The following FAM168A variants were observed in gnomAD, a reference collection of about 807,000 sequenced individuals.
FAM168A encodes the protein family with sequence similarity 168 member A, also known as protein FAM168A.
Under a neutral mutation model 28.5 loss-of-function variants are expected in FAM168A, and 3 were observed. The ratio of observed to expected loss-of-function variants is 0.11; its 90% CI spans 0.05 to 0.27. The LOEUF (loss-of-function observed/expected upper bound fraction) is 0.27. Among genes scored for constraint, FAM168A ranks in the 10% least tolerant of loss-of-function variants. FAM168A has a pLI of 1.00. For synonymous variants in FAM168A, 122 were observed against 124.2 expected (o/e 0.98, Z 0.12); for missense variants, 222 against 311.5 (o/e 0.71, Z 2.16).
At chr11:73,564,465 G>A (rs1032607237) in intron 1 of FAM168A, among the ~76,000 whole-genome samples, 10 of 151,552 alleles carry the variant, frequency 6.6e-5, no homozygotes, top group African/African-American at 2.4e-4. Flanking sequence ...GTGGCCAGGC[G>A]CAGTGGCTCA....
At chr11:73,408,699 G>T (rs753463780) in intron 6 of FAM168A, among the ~76,000 whole-genome samples, 12 of 150,794 alleles carry the variant, frequency 8.0e-5, no homozygotes, top group Non-Finnish European at 1.2e-4. Context: ...AAGATCACTT[G>T]AGCCCAAGCA....
intron 1 of FAM168A, among the ~76,000 whole-genome samples, chr11:73,584,806 T>G (rs1458745975): frequency 1.3e-5 from 2 of 152,084 alleles, no homozygotes; most frequent in African/African-American, 2.4e-5. Context: ...GAAAAAACTA[T>G]CAACCTCAGT....
intron 1 of FAM168A, among the ~76,000 whole-genome samples, chr11:73,484,579 G>T (rs758323747): frequency 0.021 from 1,335 of 62,200 alleles, 9 homozygotes; most frequent in Non-Finnish European, 0.032. Flanking sequence ...TCTATATATC[G>T]ATATCTATCT....
Position 73,402,266 on chromosome 11 carries a change from C to T in FAM168A, c.*4497G>A, listed in dbSNP as rs1866426536. The T allele has an allele frequency of 6.6e-6, 1 of 152,170 alleles. No individual in the cohort carries two copies. The highest frequency in any genetic ancestry group is 2.4e-5 in the African/African-American group (1 of 41,434). 9.4% of individuals were successfully genotyped at this position (152,170 alleles called of 1,614,324 possible). A position where few individuals can be genotyped will look rare whatever the true frequency, so the allele number is the denominator to read the frequency against. On this transcript the variant is annotated 3_prime_UTR_variant, in exon 8 of 8. Coordinates refer to ENST00000356467, the MANE Select transcript of FAM168A (RefSeq NM_015159.3). ...ATATATAAGACAAAGTTCACAGGGC[C>T]CAGAATGGGGCCCACCCCCTCTGGG... is the stretch of plus-strand genomic sequence containing the variant.
chr11:73,510,727 G>T, intron 1 of FAM168A: 1 of 374,390 alleles, frequency 2.7e-6, no homozygotes, highest in South Asian at 1.5e-4. Context: ...AGAACCATTT[G>T]GATATATAGG....
intron 1 of FAM168A, among the ~76,000 whole-genome samples, chr11:73,575,307 GAACA>G (rs1309002217): frequency 1.3e-5 from 2 of 152,116 alleles, no homozygotes; most frequent in East Asian, 3.9e-4. Context: ...ATGACAGGAA[GAACA>G]ATCAGATATA....
intron 1 of FAM168A, among the ~76,000 whole-genome samples, chr11:73,514,104 G>A (rs1232166676): frequency 6.6e-6 from 1 of 152,048 alleles, no homozygotes; most frequent in East Asian, 1.9e-4. Context: ...AGTGAGCCAT[G>A]ATCACACCAC....
chr11:73,571,235 C>G (rs1223955899), intron 1 of FAM168A, among the ~76,000 whole-genome samples: 1 of 52,024 alleles, frequency 1.9e-5, no homozygotes. Flanking sequence ...CCCTCCCCCT[C>G]CCCCCCCCCT....
rs1443110305 is a variant in FAM168A, at chr11:73,414,741, AGTAAGCTTCTGTCCTAAGG to A, written c.278-3224_278-3206del. ...ATTTTCTCTCTCACTTTATAGGGACAGTAAGCTTCTGTCCTAAGGGTATGCAGGCAGAGCCTGGTCTGAG... is the reference window on the plus strand; with the variant it reads ...ATTTTCTCTCTCACTTTATAGGGACAGTATGCAGGCAGAGCCTGGTCTGAG... On this transcript the variant is annotated intron_variant, in intron 4 of 7. Coordinates refer to ENST00000356467, the MANE Select transcript of FAM168A (RefSeq NM_015159.3). Among the ~76,000 whole-genome samples the A allele has an allele frequency of 4.0e-4, 61 of 152,378 alleles. 1 individual carries two copies. The highest frequency in any genetic ancestry group is 1.4e-3 in the African/African-American group (60 of 41,582).
chr11:73,469,757 T>C (rs958055174), intron 1 of FAM168A, among the ~76,000 whole-genome samples: 5 of 152,162 alleles, frequency 3.3e-5, no homozygotes, highest in East Asian at 1.9e-4. Context: ...GAGTTATATA[T>C]ATATTTCAGT....
rs146961864 is a variant in FAM168A at position 73,542,222 on chromosome 11, C to A, written c.-19+55701G>T. Among the ~76,000 whole-genome samples, 213 of 152,326 alleles carry A rather than the reference C, an allele frequency of 1.4e-3. 1 individual carries two copies. The highest frequency in any genetic ancestry group is 5.0e-3 in the African/African-American group (208 of 41,586). On this transcript the variant is annotated intron_variant, in intron 1 of 7. Coordinates refer to ENST00000356467, the MANE Select transcript of FAM168A (RefSeq NM_015159.3). ...CTCCAACTTGAACTTCTCTGAATTT[C>A]AGACTTGTATATCCAACTGCCTGAG...
chr11:73,428,854 ACTACAG>A (rs1565240148), intron 3 of FAM168A, among the ~76,000 whole-genome samples: 1 of 152,202 alleles, frequency 6.6e-6, no homozygotes, highest in Non-Finnish European at 1.5e-5. Context: ...AAAGGCAATG[ACTACAG>A]CTTCCTCAAG....
intron 1 of FAM168A, among the ~76,000 whole-genome samples, chr11:73,571,227 C>T (rs1204411443): frequency 2.7e-5 from 2 of 73,868 alleles, no homozygotes; most frequent in Non-Finnish European, 4.9e-5. Flanking sequence ...CCCTCTCCCC[C>T]TCCCCCTCCC....
At chr11:73,595,371 G>A (rs1565312982) in intron 1 of FAM168A, among the ~76,000 whole-genome samples, 1 of 152,098 alleles carries the variant, frequency 6.6e-6, no homozygotes, top group Non-Finnish European at 1.5e-5. Flanking sequence ...GATTCTAAAT[G>A]GTATTTTTAT....
chr11:73,418,883 A>G (rs1260017568), intron 4 of FAM168A, among the ~76,000 whole-genome samples: 2 of 148,186 alleles, frequency 1.3e-5, no homozygotes, highest in Middle Eastern at 3.2e-3. Flanking sequence ...ATCTTGGCTC[A>G]CTGCAAGCTC....
intron 1 of FAM168A, among the ~76,000 whole-genome samples, chr11:73,471,703 T>C (rs969101423): frequency 6.6e-6 from 1 of 152,220 alleles, no homozygotes; most frequent in African/African-American, 2.4e-5. Context: ...TTAGCCTTTC[T>C]TTCCCAAATG....
chr11:73,579,205 T>C (rs940054387), intron 1 of FAM168A, among the ~76,000 whole-genome samples: 8 of 152,164 alleles, frequency 5.3e-5, no homozygotes, highest in African/African-American at 1.7e-4. Flanking sequence ...GGTTTCAACA[T>C]ATGAATTTTG....
Position 73,411,432 on chromosome 11 carries a change from T to C in FAM168A, c.382A>G (p.Ile128Val), listed in dbSNP as rs527683756. Residue 128 changes from isoleucine (I) to valine (V), a missense_variant, in exon 5 of 8, where the codon ATC becomes GTC. This residue lies in a region of FAM168A where 153 missense variants were observed against 189.2 expected (regional missense o/e 0.81). Transcript: ENST00000356467. ...PNPYQTAMYP[I>V]RSAYPQQNLY... is the part of the protein sequence containing the mutation. ...TTCTGCTGGGGGTAGGCACTTCTGA[T>C]TGGATACATGGCCGTCTGATAGGGG... The C allele has an allele frequency of 1.2e-6, 2 of 1,612,482 alleles. No homozygotes were observed. Among genetic ancestry groups the C allele is most frequent in the African/African-American group, 1.3e-5 (1 of 74,986 alleles).
At chr11:73,574,404 G>A (rs1481710255) in intron 1 of FAM168A, among the ~76,000 whole-genome samples, 1 of 152,040 alleles carries the variant, frequency 6.6e-6, no homozygotes, top group Non-Finnish European at 1.5e-5. Flanking sequence ...TTCCACATAT[G>A]CACTCACTCT....
Sources: gnomAD v4.1 joint callset for allele counts (sites outside exome capture counted in the v4.1 genomes callset) on GRCh38, gnomAD v4.1.1 for gene constraint, gnomAD v4.1.1 regional missense constraint, MANE v1.5 for transcripts, NCBI Gene and HGNC (gene_info 2026-07-23, HGNC 2026-07-21) for gene names.